The following PRKN variants were observed in gnomAD, a reference collection of about 807,000 sequenced individuals.
PRKN encodes parkin RBR E3 ubiquitin protein ligase.
Under a neutral mutation model 59.5 loss-of-function variants are expected in PRKN, and 56 were observed. The ratio of observed to expected loss-of-function variants is 0.94; its 90% CI spans 0.76 to 1.18. The LOEUF is 1.18. Ranked by LOEUF, PRKN falls within the 50% of genes most tolerant of loss-of-function variation. The probability of loss-of-function intolerance (pLI) is 0.00; values close to 1 mark genes in which losing one functional copy is unlikely to be tolerated. For synonymous variants in PRKN, 250 were observed against 222.1 expected (o/e 1.13, Z -1.12); for missense variants, 657 against 596.4 (o/e 1.10, Z -1.06).
chr6:162,211,750 G>A (rs6927973), intron 3 of PRKN, among the ~76,000 whole-genome samples: 1,808 of 151,998 alleles, frequency 0.012, 40 homozygotes, highest in African/African-American at 0.042. Flanking sequence ...TACAAATTTC[G>A]ATGCTTTAAG....
At chr6:161,656,935 G>A (rs549719536) in intron 7 of PRKN, among the ~76,000 whole-genome samples, 170 of 152,244 alleles carry the variant, frequency 1.1e-3, no homozygotes, top group African/African-American at 3.5e-3. Context: ...CAACGAAGAC[G>A]GGGACTCGTA....
In PRKN at chr6:161,447,035, G is replaced by C. The variant is rs1294114123; in HGVS notation, c.1084-60158C>G. Among the ~76,000 whole-genome samples, 1 of 152,114 alleles carries C rather than the reference G, an allele frequency of 6.6e-6. No homozygotes were observed. Among genetic ancestry groups the C allele is most frequent in the African/African-American group, 2.4e-5 (1 of 41,404 alleles). On this transcript the variant is annotated intron_variant, in intron 9 of 11. Transcript: ENST00000366898. This position sits in a 1 kb window ranked among gnomAD's most constrained non-coding sequence, Gnocchi z 4.1. ...ATTTCTTTTCTGTTAGCTATGGGTA[G>C]GTGACTTCTTAATGATCTTTAAGGA...
intron 3 of PRKN, among the ~76,000 whole-genome samples, chr6:162,243,225 C>T (rs11759595): frequency 0.13 from 20,467 of 152,062 alleles, 1,523 homozygotes; most frequent in South Asian, 0.26. Context: ...TACAAAATCA[C>T]ATTCTGCTGT....
intron 2 of PRKN, among the ~76,000 whole-genome samples, chr6:162,301,791 G>GC (rs1781971331): frequency 9.0e-6 from 1 of 111,418 alleles, no homozygotes. Flanking sequence ...GGCGGGGGGG[G>GC]GGTGCAGAAT....
chr6:161,676,482 A>G (rs550802264), intron 7 of PRKN, among the ~76,000 whole-genome samples: 2 of 152,292 alleles, frequency 1.3e-5, no homozygotes, highest in South Asian at 4.1e-4. Context: ...AAAGAATACT[A>G]TTTCATGATG....
chr6:161,585,703 G>C (rs930455585), intron 7 of PRKN, among the ~76,000 whole-genome samples: 1 of 152,138 alleles, frequency 6.6e-6, no homozygotes, highest in Non-Finnish European at 1.5e-5. Flanking sequence ...GCAGAAGTTT[G>C]GACAGCCGTT....
In PRKN at chr6:161,459,702, G is replaced by A. The variant is rs957515535; in HGVS notation, c.1084-72825C>T. Among the ~76,000 whole-genome samples, 23 of 152,100 alleles carry A rather than the reference G, an allele frequency of 1.5e-4. No homozygotes were observed. Among genetic ancestry groups the A allele is most frequent in the Non-Finnish European group, 3.4e-4 (23 of 68,020 alleles). Reference sequence around the variant, plus strand: ...GAGGTTTCCACTTATATGTAGATTTGTCCAGGGTCCTAGGAAACTAGCTAA... The same window carrying A: ...GAGGTTTCCACTTATATGTAGATTTATCCAGGGTCCTAGGAAACTAGCTAA... On this transcript the variant is annotated intron_variant, in intron 9 of 11. Coordinates refer to ENST00000366898, the MANE Select transcript of PRKN (RefSeq NM_004562.3). This position sits in a 1 kb window ranked among gnomAD's most constrained non-coding sequence, Gnocchi z 4.8.
chr6:161,646,638 C>A (rs550279974), intron 7 of PRKN, among the ~76,000 whole-genome samples: 2 of 151,918 alleles, frequency 1.3e-5, no homozygotes, highest in Non-Finnish European at 2.9e-5. Flanking sequence ...TGCGTTCATA[C>A]GCGTGGAGGA....
rs1433605061 is a variant in PRKN, at chr6:161,395,200, A to T, written c.1084-8323T>A. Among the ~76,000 whole-genome samples, 1 of 152,126 alleles carries T rather than the reference A, an allele frequency of 6.6e-6. No homozygotes were observed. Among genetic ancestry groups the T allele is most frequent in the East Asian group, 1.9e-4 (1 of 5,178 alleles). ...TCAATCATCAATTTATGCTATTTTT[A>T]AACAAAAATACCCTATAAAACATTG... On this transcript the variant is annotated intron_variant, in intron 9 of 11. Coordinates refer to ENST00000366898, the MANE Select transcript of PRKN (RefSeq NM_004562.3). This position sits in a 1 kb window ranked among gnomAD's most constrained non-coding sequence, Gnocchi z 5.0.
chr6:161,609,278 T>G (rs1782399925), intron 7 of PRKN, among the ~76,000 whole-genome samples: 1 of 152,238 alleles, frequency 6.6e-6, no homozygotes. Flanking sequence ...AAAAAGTGTC[T>G]CATATATTTC....
chr6:162,471,819 A>G (rs1034290907), intron 1 of PRKN, among the ~76,000 whole-genome samples: 2 of 152,164 alleles, frequency 1.3e-5, no homozygotes, highest in Admixed American at 1.3e-4. Context: ...TTTTCATTTT[A>G]TTCTAGTACT....
intron 1 of PRKN, among the ~76,000 whole-genome samples, chr6:162,664,578 T>C (rs1779023518): frequency 6.6e-6 from 1 of 152,202 alleles, no homozygotes; most frequent in Non-Finnish European, 1.5e-5. Flanking sequence ...TTTTTAATAA[T>C]TGCCATTCTG....
At position 162,266,016 on chromosome 6, in the gene PRKN, C is replaced by T. The variant is rs927354703; in HGVS notation, c.172-3251G>A. The stretch of plus-strand genomic sequence containing the variant: ...GCTGTGCACAGCCTCTAGCCTAAGT[C>T]GTTTCAGAGAAATGGGCATCAGGAT... On this transcript the variant is annotated intron_variant, in intron 2 of 11. Transcript: ENST00000366898. 3.9e-5 allele frequency among the ~76,000 whole-genome samples: 6 copies of T among 152,138 alleles called. No individual in the cohort carries two copies. The South Asian group carries it at 6.2e-4, about 16-fold the overall frequency.
At position 161,354,117 on chromosome 6, in the gene PRKN, G is replaced by C. The variant is rs145958401; in HGVS notation, c.1286-3906C>G. ...GAATTACAATGGCCTGGTACAGTAA[G>C]AATGGAAATGGGAAGAGAAGATATT... is the stretch of plus-strand genomic sequence containing the variant. On this transcript the variant is annotated intron_variant, in intron 11 of 11. Transcript: ENST00000366898. This position sits in a 1 kb window ranked among gnomAD's most constrained non-coding sequence, Gnocchi z 6.7. 1.1e-4 allele frequency among the ~76,000 whole-genome samples: 17 copies of C among 152,318 alleles called. No individual in the cohort carries two copies. The East Asian group carries it at 3.3e-3, about 29-fold the overall frequency.
Position 161,471,700 on chromosome 6 carries a change from C to T in PRKN, c.1083+77154G>A, listed in dbSNP as rs958241075. On this transcript the variant is annotated intron_variant, in intron 9 of 11. Transcript: ENST00000366898. The surrounding 1 kb of genome is among the most constrained non-coding windows in gnomAD (Gnocchi z 4.5). ...GGGTAATCTAACAAGATTACAGAAC[C>T]GACTTTTAGAGAAGAGTTTAAATCC... is the stretch of plus-strand genomic sequence containing the variant. Among the ~76,000 whole-genome samples, 18 of 152,002 alleles carry T rather than the reference C, an allele frequency of 1.2e-4. No homozygotes were observed. Among genetic ancestry groups the T allele is most frequent in the East Asian group, 1.9e-4 (1 of 5,184 alleles).
intron 3 of PRKN, among the ~76,000 whole-genome samples, chr6:162,216,536 C>CAA (rs35025497): frequency 0.027 from 936 of 34,696 alleles, 57 homozygotes; most frequent in East Asian, 0.062. Flanking sequence ...GACTCCGTCT[C>CAA]AAAAAAAAAA....
chr6:162,019,358 T>G (rs772145152), intron 5 of PRKN, among the ~76,000 whole-genome samples: 1 of 152,164 alleles, frequency 6.6e-6, no homozygotes, highest in South Asian at 2.1e-4. Flanking sequence ...AGACATGGGC[T>G]AAGGAGCTGA....
chr6:161,685,595 G>C (rs1460546023), intron 7 of PRKN, among the ~76,000 whole-genome samples: 2 of 152,184 alleles, frequency 1.3e-5, no homozygotes, highest in Non-Finnish European at 2.9e-5. Flanking sequence ...TGATTTAAAA[G>C]AGTGTTTGGA....
At chr6:162,584,309 C>T (rs1780922279) in intron 1 of PRKN, among the ~76,000 whole-genome samples, 2 of 151,202 alleles carry the variant, frequency 1.3e-5, no homozygotes, top group Admixed American at 6.6e-5. Context: ...GAACACTGTA[C>T]ACAAAACATT....
Sources: allele counts gnomAD v4.1 joint callset (sites outside exome capture counted in the v4.1 genomes callset), GRCh38; gene constraint gnomAD v4.1.1; non-coding constraint Gnocchi (gnomAD v3.1); transcripts MANE v1.5; gene names NCBI Gene and HGNC (gene_info 2026-07-23, HGNC 2026-07-21).